The following DACH1 variants were observed in gnomAD, a reference collection of about 807,000 sequenced individuals.
The protein encoded by DACH1 is dachshund family transcription factor 1.
In DACH1, 12 loss-of-function variants were observed where a neutral mutation model predicts 54.2. The observed-to-expected ratio is 0.22, with a 90% confidence interval of 0.14 to 0.36. DACH1 has a LOEUF of 0.36. Among genes scored for constraint, DACH1 ranks in the 10% least tolerant of loss-of-function variants. The probability of loss-of-function intolerance (pLI) is 1.00; values close to 1 mark genes in which losing one functional copy is unlikely to be tolerated. For missense variants in DACH1, 805 were observed against 929.8 expected (o/e 0.87, Z 1.75); for synonymous variants, 386 against 366.2 (o/e 1.05, Z -0.62).
chr13:71,545,127 G>A (rs1883375448), intron 6 of DACH1, among the ~76,000 whole-genome samples: 1 of 152,012 alleles, frequency 6.6e-6, no homozygotes, highest in Non-Finnish European at 1.5e-5. Context: ...CTTTTTTCAA[G>A]TACTACAAAC....
intron 2 of DACH1, among the ~76,000 whole-genome samples, chr13:71,677,259 A>G (rs1172157904): frequency 1.3e-5 from 2 of 152,244 alleles, no homozygotes; most frequent in African/African-American, 4.8e-5. Flanking sequence ...AAAATGATTT[A>G]TGACAAGTGC....
chr13:71,827,784 A>G (rs1351738596), intron 1 of DACH1, among the ~76,000 whole-genome samples: 1 of 152,090 alleles, frequency 6.6e-6, no homozygotes, highest in East Asian at 1.9e-4. Context: ...TCATAAATAT[A>G]TAGCTGATTA....
intron 1 of DACH1, among the ~76,000 whole-genome samples, chr13:71,693,796 A>G (rs1181909119): frequency 6.6e-6 from 1 of 152,148 alleles, no homozygotes; most frequent in South Asian, 2.1e-4. Context: ...TGTCTACTTT[A>G]TAAGTTAAAC....
At chr13:71,499,598 A>C (rs977263467) in intron 6 of DACH1, among the ~76,000 whole-genome samples, 1 of 152,182 alleles carries the variant, frequency 6.6e-6, no homozygotes, top group Non-Finnish European at 1.5e-5. Context: ...CAAAAGCAGA[A>C]ACCTAATTAA....
At chr13:71,676,891 T>C (rs1240255017) in intron 2 of DACH1, among the ~76,000 whole-genome samples, 1 of 152,164 alleles carries the variant, frequency 6.6e-6, no homozygotes, top group Non-Finnish European at 1.5e-5. Context: ...AAGATCACAG[T>C]GAGGGAAAAG....
intron 10 of DACH1, among the ~76,000 whole-genome samples, chr13:71,461,474 G>C (rs189517880): frequency 6.6e-6 from 1 of 151,844 alleles, no homozygotes. Flanking sequence ...AAATAAGCCC[G>C]CATCATACTC....
chr13:71,546,833 A>T (rs1883495539), intron 6 of DACH1, among the ~76,000 whole-genome samples: 1 of 152,086 alleles, frequency 6.6e-6, no homozygotes, highest in Non-Finnish European at 1.5e-5. Context: ...TTATTAATCT[A>T]ATGAATCATG....
At chr13:71,494,355 A>T (rs901150136) in intron 6 of DACH1, among the ~76,000 whole-genome samples, 3 of 152,040 alleles carry the variant, frequency 2.0e-5, no homozygotes, top group African/African-American at 7.2e-5. Context: ...CAATTTTGAT[A>T]CTTTGAGTTT....
chr13:71,554,708 T>C (rs1157396494), intron 6 of DACH1, among the ~76,000 whole-genome samples: 1 of 152,098 alleles, frequency 6.6e-6, no homozygotes, highest in Non-Finnish European at 1.5e-5. Flanking sequence ...TTAAAGCAAA[T>C]GTAGTACATT....
At chr13:71,469,371 G>C (rs1414531645) in intron 10 of DACH1, among the ~76,000 whole-genome samples, 1 of 151,874 alleles carries the variant, frequency 6.6e-6, no homozygotes, top group East Asian at 1.9e-4. Context: ...AAAAAAGCTT[G>C]CTCAAAGATG....
At position 71,630,644 on chromosome 13, in the gene DACH1, T is replaced by C; in HGVS notation, c.1038A>G (p.Lys346=). 1 of 1,612,530 alleles carries C rather than the reference T, an allele frequency of 6.2e-7. No individual in the cohort carries two copies. The highest frequency in any genetic ancestry group is 8.5e-7 in the Non-Finnish European group (1 of 1,179,486). The change falls in exon 3 of 11, where the codon AAA becomes AAG. Residue 346 remains lysine (K), a synonymous_variant. Coordinates refer to ENST00000613252, the MANE Select transcript of DACH1 (RefSeq NM_080759.6). ...AGTTGCTCATGGCTTCTAATTTGAT[T>C]TTTTTCACCTTCATTGCTTCAGCAA... ...AAIAEAMKVK[K]IKLEAMSNYH...
intron 1 of DACH1, among the ~76,000 whole-genome samples, chr13:71,723,929 G>T (rs1883355202): frequency 6.6e-6 from 1 of 152,132 alleles, no homozygotes; most frequent in African/African-American, 2.4e-5. Flanking sequence ...GGCCTCAAGT[G>T]ATCTGCCCAC....
At chr13:71,717,426 T>C (rs527557244) in intron 1 of DACH1, among the ~76,000 whole-genome samples, 1 of 151,686 alleles carries the variant, frequency 6.6e-6, no homozygotes, top group East Asian at 2.0e-4. Context: ...TCACTGCAGA[T>C]AGCAGTTCAT....
chr13:71,440,760 G>C (rs1009094927), intron 10 of DACH1, 68 bp from the exon 11 acceptor site: 4 of 1,197,144 alleles, frequency 3.3e-6, no homozygotes, highest in Admixed American at 4.6e-5. Flanking sequence ...ATGTAAAAAT[G>C]ATGTAACTTG....
intron 2 of DACH1, chr13:71,674,962 C>G: frequency 1.5e-6 from 1 of 685,936 alleles, no homozygotes; most frequent in Admixed American, 2.5e-5. Context: ...ACGGTGTTCG[C>G]AGCCGCCACC....
At chr13:71,541,706 TTTTTACATGG>T (rs1234542161) in intron 6 of DACH1, among the ~76,000 whole-genome samples, 5 of 152,010 alleles carry the variant, frequency 3.3e-5, no homozygotes, top group African/African-American at 1.2e-4. Flanking sequence ...AACACTGACA[TTTTTACATGG>T]TGTTAAGGGT....
intron 1 of DACH1, among the ~76,000 whole-genome samples, chr13:71,725,882 T>A (rs984992503): frequency 6.6e-5 from 10 of 152,166 alleles, no homozygotes; most frequent in Non-Finnish European, 1.3e-4. Context: ...CTGGATTACA[T>A]GGGGCTTTTT....
Position 71,621,807 on chromosome 13 carries a change from T to A in DACH1, c.1126+8749A>T, listed in dbSNP as rs144661032. Reference sequence around the variant, plus strand: ...TCTGCCCTTTGTGAAGGAAACCGTATCCGTTTCATTAGTGCAGACTCTAAT... The same window carrying A: ...TCTGCCCTTTGTGAAGGAAACCGTAACCGTTTCATTAGTGCAGACTCTAAT... On this transcript the variant is annotated intron_variant, in intron 3 of 10. Coordinates refer to ENST00000613252, the MANE Select transcript of DACH1 (RefSeq NM_080759.6). Among the ~76,000 whole-genome samples the A allele has an allele frequency of 2.1e-4, 32 of 152,140 alleles. No individual in the cohort carries two copies. The East Asian group carries it at 5.4e-3, about 26-fold the overall frequency.
In DACH1 at chr13:71,748,901, T is replaced by TC. The variant is rs1566476901; in HGVS notation, c.849-66992_849-66991insG. Among the ~76,000 whole-genome samples the TC allele has an allele frequency of 1.7e-3, 36 of 21,440 alleles. 1 individual carries two copies. The highest frequency in any genetic ancestry group is 3.6e-3 in the African/African-American group (32 of 8,864). The allele number at this position is 21,440 out of a possible 152,430, so 14.1% of individuals were successfully genotyped here. ...TTCTTTCTTTCTTTCTTTCTTTCTC[T>TC]TTCTTTCTTTCTTTCTTTCTTTCTT... On this transcript the variant is annotated intron_variant, in intron 1 of 10. Transcript: ENST00000613252.
Sources: allele counts gnomAD v4.1 joint callset (sites outside exome capture counted in the v4.1 genomes callset), GRCh38; gene constraint gnomAD v4.1.1; transcripts MANE v1.5; gene names NCBI Gene and HGNC (gene_info 2026-07-23, HGNC 2026-07-21).